The following DAB1 variants were observed in gnomAD, a reference collection of about 807,000 sequenced individuals.
DAB1 encodes DAB adaptor protein 1, also known as disabled homolog 1.
DAB1 carries 15 observed loss-of-function variants against 64.6 expected under a neutral mutation model. The ratio of observed to expected loss-of-function variants is 0.23; its 90% CI spans 0.16 to 0.36. The LOEUF (loss-of-function observed/expected upper bound fraction) is 0.36. Ranked by LOEUF, DAB1 falls within the 10% of genes least tolerant of loss-of-function variation. The pLI is 1.00. For missense variants in DAB1, 596 were observed against 706.7 expected (o/e 0.84, Z 1.78); for synonymous variants, 235 against 251.9 (o/e 0.93, Z 0.64).
At chr1:58,092,790 C>G (rs1446321987) in intron 5 of DAB1, among the ~76,000 whole-genome samples, 1 of 152,000 alleles carries the variant, frequency 6.6e-6, no homozygotes, top group Admixed American at 6.6e-5. Flanking sequence ...GGATAGTGGC[C>G]AACAGTGTCT....
chr1:58,017,032 C>T (rs1288989691), intron 5 of DAB1, among the ~76,000 whole-genome samples: 1 of 152,072 alleles, frequency 6.6e-6, no homozygotes, highest in African/African-American at 2.4e-5. Flanking sequence ...GAATCTCTTG[C>T]CCATGGTCAT....
intron 9 of DAB1, chr1:57,033,523 C>T (rs775761457): frequency 3.2e-5 from 52 of 1,612,640 alleles, no homozygotes; most frequent in South Asian, 1.8e-4. Flanking sequence ...TAATTCTTAC[C>T]GGGGTGGCTG....
intron 3 of DAB1, among the ~76,000 whole-genome samples, chr1:58,461,053 C>T (rs543471330): frequency 6.6e-6 from 1 of 152,262 alleles, no homozygotes; most frequent in East Asian, 1.9e-4. Context: ...GCCTTCTGTA[C>T]CAGATAGAGT....
chr1:58,337,240 C>A (rs1663139455), intron 4 of DAB1, among the ~76,000 whole-genome samples: 1 of 150,780 alleles, frequency 6.6e-6, no homozygotes, highest in Admixed American at 6.6e-5. Flanking sequence ...AGAGATCATG[C>A]CACTGCACTC....
intron 6 of DAB1, among the ~76,000 whole-genome samples, chr1:57,662,145 T>C (rs1256441282): frequency 1.3e-5 from 2 of 152,174 alleles, no homozygotes; most frequent in African/African-American, 2.4e-5. Context: ...AATAGCTCTA[T>C]TAGCTACAAA....
chr1:57,707,449 A>G (rs2101740242), intron 6 of DAB1, among the ~76,000 whole-genome samples: 1 of 145,676 alleles, frequency 6.9e-6, no homozygotes, highest in Admixed American at 6.8e-5. Context: ...GTTTATTTTT[A>G]GTTTTGGGCT....
chr1:57,373,611 T>C (rs148963255), intron 1 of DAB1, among the ~76,000 whole-genome samples: 1 of 152,286 alleles, frequency 6.6e-6, no homozygotes, highest in East Asian at 1.9e-4. Context: ...GCCTCCCAAA[T>C]TGCCCATGCT....
At chr1:58,423,190 C>T (rs1408545253) in intron 3 of DAB1, among the ~76,000 whole-genome samples, 3 of 152,194 alleles carry the variant, frequency 2.0e-5, no homozygotes, top group Admixed American at 2.0e-4. Context: ...TCTTTTGCTC[C>T]TTCAGCTTAA....
chr1:57,222,288 AT>A (rs1315262027), intron 2 of DAB1, among the ~76,000 whole-genome samples: 1 of 152,088 alleles, frequency 6.6e-6, no homozygotes, highest in Non-Finnish European at 1.5e-5. Flanking sequence ...CAGAAAATAC[AT>A]TTACAGAAAT....
At chr1:57,736,955 A>C (rs1388296551) in intron 6 of DAB1, among the ~76,000 whole-genome samples, 1 of 152,184 alleles carries the variant, frequency 6.6e-6, no homozygotes, top group Admixed American at 6.5e-5. Flanking sequence ...AAACCTAAAA[A>C]GGATAGGGAA....
At chr1:57,906,937 CAGATAGAT>C (rs5774378) in intron 5 of DAB1, among the ~76,000 whole-genome samples, 14,809 of 146,652 alleles carry the variant, frequency 0.1, 747 homozygotes, top group South Asian at 0.14. Context: ...ATATAATATG[CAGATAGAT>C]AGATAGATAG....
intron 5 of DAB1, among the ~76,000 whole-genome samples, chr1:57,928,204 A>G (rs1259385280): frequency 2.0e-5 from 3 of 152,170 alleles, no homozygotes; most frequent in Non-Finnish European, 4.4e-5. Context: ...CATTGCTATC[A>G]GCCCAAAAAG....
At chr1:57,148,319 GC>G (rs1431250495) in intron 2 of DAB1, among the ~76,000 whole-genome samples, 15 of 152,302 alleles carry the variant, frequency 9.8e-5, no homozygotes, top group African/African-American at 3.4e-4. Context: ...AAAGTAGGGA[GC>G]CCAATTTAGA....
intron 1 of DAB1, among the ~76,000 whole-genome samples, chr1:57,848,598 G>A (rs957201420): frequency 3.2e-4 from 49 of 152,208 alleles, no homozygotes; most frequent in African/African-American, 1.1e-3. Context: ...AGGCCAGACA[G>A]AAGTAGCTGT....
chr1:57,187,843 G>C (rs1456570346), intron 2 of DAB1, among the ~76,000 whole-genome samples: 2 of 152,000 alleles, frequency 1.3e-5, no homozygotes, highest in Admixed American at 6.6e-5. Flanking sequence ...AAGAGAGAGA[G>C]AGAGAGAGAC....
chr1:58,185,925 T>C (rs1657053492), intron 4 of DAB1, among the ~76,000 whole-genome samples: 1 of 152,212 alleles, frequency 6.6e-6, no homozygotes, highest in African/African-American at 2.4e-5. Flanking sequence ...GTTTGTGTGG[T>C]GGATACTGTG....
At chr1:58,523,821 G>C (rs1479975223) in intron 2 of DAB1, among the ~76,000 whole-genome samples, 1 of 152,010 alleles carries the variant, frequency 6.6e-6, no homozygotes, top group South Asian at 2.1e-4. Flanking sequence ...ATGGTGTGAA[G>C]CTGGGAGGCA....
At chr1:58,244,889 G>T (rs1405026572) in intron 4 of DAB1, among the ~76,000 whole-genome samples, 2 of 152,122 alleles carry the variant, frequency 1.3e-5, no homozygotes, top group African/African-American at 4.8e-5. Flanking sequence ...AATGAGAGTT[G>T]TAATTCCACT....
chr1:58,003,560 C>A (rs1015829743), intron 5 of DAB1, among the ~76,000 whole-genome samples: 1 of 152,196 alleles, frequency 6.6e-6, no homozygotes, highest in Non-Finnish European at 1.5e-5. Flanking sequence ...TACATAGATT[C>A]CACCTGTGTG....
Sources: allele counts gnomAD v4.1 joint callset (sites outside exome capture counted in the v4.1 genomes callset), GRCh38; gene constraint gnomAD v4.1.1; transcripts MANE v1.5; gene names NCBI Gene and HGNC (gene_info 2026-07-23, HGNC 2026-07-21).